GLIS1: variants seen among roughly 807,000 people sequenced by gnomAD.
GLIS1 encodes the protein zinc finger protein GLIS1.
In GLIS1, 24 loss-of-function variants were observed where a neutral mutation model predicts 63.8. The observed-to-expected ratio is 0.38, with a 90% confidence interval of 0.27 to 0.53. The LOEUF (loss-of-function observed/expected upper bound fraction) is 0.53. Ranked by LOEUF, GLIS1 falls within the 20% of genes least tolerant of loss-of-function variation. GLIS1 has a pLI of 0.85. For synonymous variants in GLIS1, 450 were observed against 482.5 expected (o/e 0.93, Z 0.88); for missense variants, 1,036 against 1,074.1 (o/e 0.96, Z 0.50).
At chr1:53,599,980 G>A (rs775497592) in intron 3 of GLIS1, 121 bp downstream of exon 3, 14 of 482,648 alleles carry the variant, frequency 2.9e-5, no homozygotes, top group Non-Finnish European at 4.0e-5. Context: ...TCTGAGCTAC[G>A]GGCCCCTCGT....
intron 2 of GLIS1, among the ~76,000 whole-genome samples, chr1:53,693,410 G>C (rs994297349): frequency 6.6e-6 from 1 of 152,208 alleles, no homozygotes; most frequent in African/African-American, 2.4e-5. Context: ...AGCCCTCGGG[G>C]GCAGGCATCT....
intron 2 of GLIS1, among the ~76,000 whole-genome samples, chr1:53,712,419 G>C (rs566815157): frequency 1.3e-5 from 2 of 152,194 alleles, no homozygotes; most frequent in African/African-American, 2.4e-5. Flanking sequence ...CTAGCAAAGG[G>C]CTTCCTCATC....
At position 53,511,440 on chromosome 1, in the gene GLIS1, G is replaced by A. The variant is rs919998260; in HGVS notation, c.1884-1413C>T. ...CAAGTTCCTCTCTGCTCCCTCCAAC[G>A]TTGGCAGCCCCTCCACTGCCCCTCC... is the stretch of plus-strand genomic sequence containing the variant. On this transcript the variant is annotated intron_variant, in intron 8 of 10. Transcript: ENST00000628545. This position sits in a 1 kb window ranked among gnomAD's most constrained non-coding sequence, Gnocchi z 4.2. 6.6e-6 allele frequency among the ~76,000 whole-genome samples: 1 copy of A among 152,138 alleles called. No homozygotes were observed. The highest frequency in any genetic ancestry group is 2.4e-5 in the African/African-American group (1 of 41,440).
chr1:53,598,258 G>T lies in GLIS1; in HGVS notation c.437+1843C>A, dbSNP rs1645279564. Among the ~76,000 whole-genome samples the T allele has an allele frequency of 1.3e-5, 2 of 152,098 alleles. No homozygotes were observed. The highest frequency in any genetic ancestry group is 4.1e-4 in the South Asian group (2 of 4,830). On this transcript the variant is annotated intron_variant, in intron 3 of 10. Coordinates refer to ENST00000628545, the MANE Select transcript of GLIS1 (RefSeq NM_001367484.1). This position sits in a 1 kb window ranked among gnomAD's most constrained non-coding sequence, Gnocchi z 4.6. ...TAGGACAGGTGTTCTTATAAGAAAT[G>T]AGGGCCGGGCACGGTGGCTCACGCC...
At position 53,514,621 on chromosome 1, in the gene GLIS1, A is replaced by C. The variant is rs923811445; in HGVS notation, c.1883+4T>G. The C allele has an allele frequency of 6.2e-7, 1 of 1,612,664 alleles. No homozygotes were observed. The highest frequency in any genetic ancestry group is 2.2e-5 in the East Asian group (1 of 44,724). On this transcript the variant is annotated splice_donor_region_variant and intron_variant, in intron 8 of 10. Transcript: ENST00000628545. ...CTGGAGGAGGACTGGCCTGGTGTACATACCCATCCCGGGTGCTCTCAGCCA... is the reference window on the plus strand; with the variant it reads ...CTGGAGGAGGACTGGCCTGGTGTACCTACCCATCCCGGGTGCTCTCAGCCA...
At chr1:53,701,443 C>A (rs767077637) in intron 2 of GLIS1, among the ~76,000 whole-genome samples, 1 of 152,202 alleles carries the variant, frequency 6.6e-6, no homozygotes, top group African/African-American at 2.4e-5. Flanking sequence ...AGCTGTCCAA[C>A]GCCCTCCTCC....
intron 3 of GLIS1, among the ~76,000 whole-genome samples, chr1:53,596,458 T>G (rs189995561): frequency 2.9e-4 from 44 of 152,264 alleles, no homozygotes; most frequent in Non-Finnish European, 7.4e-5. Context: ...CGCCACCTCA[T>G]CCCATCTGAA....
intron 7 of GLIS1, among the ~76,000 whole-genome samples, chr1:53,515,085 G>A (rs199538159): frequency 3.0e-4 from 5 of 16,592 alleles, no homozygotes; most frequent in East Asian, 0.026. Context: ...GTATATGTGT[G>A]TGTGTGTGTG....
chr1:53,616,096 A>G (rs1387798000), intron 2 of GLIS1, among the ~76,000 whole-genome samples: 2 of 152,180 alleles, frequency 1.3e-5, no homozygotes, highest in Non-Finnish European at 2.9e-5. Context: ...TACTGCTTCT[A>G]AGATTCCATG....
chr1:53,522,986 C>CTTTTTCTTTTTCTTTTTTTTTTTTTTTTT (rs760283252), intron 6 of GLIS1, among the ~76,000 whole-genome samples: 1 of 43,690 alleles, frequency 2.3e-5, no homozygotes, highest in African/African-American at 4.4e-5. Flanking sequence ...TCTTTTCTTT[C>CTTTTTCTTTTTCTTTTTTTTTTTTTTTTT]TTTTTTTTTT....
intron 2 of GLIS1, among the ~76,000 whole-genome samples, chr1:53,697,548 AC>A (rs1355949397): frequency 1.3e-5 from 2 of 151,872 alleles, no homozygotes; most frequent in Non-Finnish European, 2.9e-5. Context: ...GATGTGATCC[AC>A]CCCCAGCAGA....
At chr1:53,583,954 CAT>C (rs943798217) in intron 4 of GLIS1, among the ~76,000 whole-genome samples, 57 of 152,358 alleles carry the variant, frequency 3.7e-4, no homozygotes, top group African/African-American at 1.3e-3. Flanking sequence ...ATTACCCAAA[CAT>C]GTGCAGACAC....
intron 2 of GLIS1, among the ~76,000 whole-genome samples, chr1:53,650,756 C>T (rs1035362378): frequency 3.9e-5 from 6 of 152,152 alleles, no homozygotes; most frequent in Admixed American, 6.5e-5. Flanking sequence ...AAAGAGATGG[C>T]GGAAGGAACG....
Position 53,526,434 on chromosome 1 carries a change from GC to G in GLIS1, c.1483-1548del, listed in dbSNP as rs1279111786. Reference sequence around the variant, plus strand: ...AGCAGTGAGAAGCTTGCCGGGGTTGGCCTGGGAGGGAGAGCGGAGGCCTGCC... The same window carrying G: ...AGCAGTGAGAAGCTTGCCGGGGTTGGCTGGGAGGGAGAGCGGAGGCCTGCC... On this transcript the variant is annotated intron_variant, in intron 5 of 10. Coordinates refer to ENST00000628545, the MANE Select transcript of GLIS1 (RefSeq NM_001367484.1). This position sits in a 1 kb window ranked among gnomAD's most constrained non-coding sequence, Gnocchi z 4.4. Among the ~76,000 whole-genome samples, 5 of 152,180 alleles carry G rather than the reference GC, an allele frequency of 3.3e-5. No individual in the cohort carries two copies. Among genetic ancestry groups the G allele is most frequent in the Non-Finnish European group, 7.4e-5 (5 of 68,014 alleles).
chr1:53,517,384 G>A (rs1374723115), intron 7 of GLIS1, among the ~76,000 whole-genome samples: 1 of 152,166 alleles, frequency 6.6e-6, no homozygotes, highest in African/African-American at 2.4e-5. Context: ...TTGGGGGAAG[G>A]TGCCTCAAGC....
chr1:53,682,392 G>A (rs1164399169), intron 2 of GLIS1, among the ~76,000 whole-genome samples: 2 of 151,668 alleles, frequency 1.3e-5, no homozygotes, highest in Non-Finnish European at 2.9e-5. Flanking sequence ...TCACATTCTG[G>A]TGGGGGAATG....
At chr1:53,676,789 C>T (rs1413185961) in intron 2 of GLIS1, among the ~76,000 whole-genome samples, 3 of 151,662 alleles carry the variant, frequency 2.0e-5, no homozygotes, top group Non-Finnish European at 4.4e-5. Context: ...CTCTCCAGGG[C>T]CAAGCCAGGC....
At chr1:53,611,890 A>G (rs1399825590) in intron 2 of GLIS1, among the ~76,000 whole-genome samples, 1 of 151,928 alleles carries the variant, frequency 6.6e-6, no homozygotes. Flanking sequence ...CTGGAGTGCA[A>G]TGGTGCAATC....
At chr1:53,548,287 C>T (rs893127632) in intron 4 of GLIS1, among the ~76,000 whole-genome samples, 7 of 152,234 alleles carry the variant, frequency 4.6e-5, no homozygotes, top group Admixed American at 1.3e-4. Flanking sequence ...GGACTTCAAC[C>T]TTGCATGCAC....
Sources: gnomAD v4.1 joint callset for allele counts (sites outside exome capture counted in the v4.1 genomes callset) on GRCh38, gnomAD v4.1.1 for gene constraint, Gnocchi (gnomAD v3.1) non-coding constraint, MANE v1.5 for transcripts, NCBI Gene and HGNC (gene_info 2026-07-23, HGNC 2026-07-21) for gene names.